The following KAZN variants were observed in gnomAD, a reference collection of about 807,000 sequenced individuals.
KAZN encodes kazrin, periplakin interacting protein, also known as kazrin.
Under a neutral mutation model 87.4 loss-of-function variants are expected in KAZN, and 40 were observed. That is an observed-to-expected ratio of 0.46 (90% CI 0.36 to 0.60). KAZN has a LOEUF of 0.60. Ranked by LOEUF, KAZN falls within the 20% of genes least tolerant of loss-of-function variation. The pLI, the probability that KAZN is intolerant of heterozygous loss-of-function variation, is 0.00. For missense variants in KAZN, 898 were observed against 1,073.9 expected, an observed-to-expected ratio of 0.84 and a Z score of 2.29; for synonymous variants, 466 against 458.3, an observed-to-expected ratio of 1.02 and a Z score of -0.22.
intron 1 of KAZN, among the ~76,000 whole-genome samples, chr1:14,698,158 A>C (rs544575374): frequency 8.1e-4 from 124 of 152,300 alleles, no homozygotes; most frequent in African/African-American, 2.9e-3. Context: ...TTCCATCTGC[A>C]AAATTAGTGA....
rs146886647 is a variant in KAZN, at chr1:14,539,392, T to C, written c.250-59591T>C. 2.1e-3 allele frequency among the ~76,000 whole-genome samples: 313 copies of C among 152,302 alleles called. 1 individual carries two copies. The highest frequency in any genetic ancestry group is 7.4e-3 in the African/African-American group (306 of 41,562). Reference sequence around the variant, plus strand: ...ATAAGGACATTTTTGGAAGAACTGATGAAATCTAAATAAAGTCAGTAGACT... The same window carrying C: ...ATAAGGACATTTTTGGAAGAACTGACGAAATCTAAATAAAGTCAGTAGACT... On this transcript the variant is annotated intron_variant, in intron 2 of 16. Transcript: ENST00000636203.
intron 1 of KAZN, among the ~76,000 whole-genome samples, chr1:14,058,483 A>G (rs530915102): frequency 9.8e-5 from 15 of 152,306 alleles, no homozygotes; most frequent in African/African-American, 3.6e-4. Flanking sequence ...ATATCTCCAC[A>G]TGACACCAAG....
At chr1:14,422,711 C>T (rs1290532819) in intron 2 of KAZN, among the ~76,000 whole-genome samples, 1 of 152,202 alleles carries the variant, frequency 6.6e-6, no homozygotes, top group African/African-American at 2.4e-5. Flanking sequence ...AAAGGCTCAT[C>T]CCTGGTAAAC....
At chr1:14,161,569 G>T (rs568226858) in intron 1 of KAZN, among the ~76,000 whole-genome samples, 43 of 152,326 alleles carry the variant, frequency 2.8e-4, no homozygotes, top group Non-Finnish European at 4.9e-4. Context: ...GAGCCACAGG[G>T]TCTTTTATGG....
intron 1 of KAZN, among the ~76,000 whole-genome samples, chr1:14,129,372 C>G (rs1283833265): frequency 6.6e-6 from 1 of 152,168 alleles, no homozygotes; most frequent in Non-Finnish European, 1.5e-5. Context: ...AAAGTCTAGC[C>G]CAAATATGTC....
intron 1 of KAZN, among the ~76,000 whole-genome samples, chr1:14,159,821 G>C (rs114970533): frequency 6.6e-6 from 1 of 152,152 alleles, no homozygotes; most frequent in Non-Finnish European, 1.5e-5. Flanking sequence ...ATCCTTCCAG[G>C]ACTCCTTCCA....
intron 1 of KAZN, among the ~76,000 whole-genome samples, chr1:14,747,064 C>A (rs1644280619): frequency 1.3e-5 from 2 of 152,074 alleles, no homozygotes; most frequent in African/African-American, 4.8e-5. Context: ...ATTCTAAGTA[C>A]CCCGTATAAG....
In KAZN at chr1:15,063,577, C is replaced by T. The variant is rs1638977606; in HGVS notation, c.1053C>T (p.Asp351=). The change falls in exon 7 of 15, where the codon GAC becomes GAT. Residue 351 remains aspartate (D), a synonymous_variant. Coordinates refer to ENST00000376030, the MANE Select transcript of KAZN (RefSeq NM_201628.3). ...RHRTHSLCNG[D]SPGPVQKNLH... The stretch of plus-strand genomic sequence containing the variant: ...CTCTTCTCCTCTGGCTACAGGGCGA[C>T]AGTCCCGGCCCAGTTCAGAAGAACC... The T allele has an allele frequency of 6.2e-7, 1 of 1,613,962 alleles. No homozygotes were observed. Among genetic ancestry groups the T allele is most frequent in the Non-Finnish European group, 8.5e-7 (1 of 1,179,818 alleles).
intron 2 of KAZN, among the ~76,000 whole-genome samples, chr1:14,468,180 G>C (rs1668266472): frequency 6.6e-6 from 1 of 152,320 alleles, no homozygotes; most frequent in Admixed American, 6.5e-5. Flanking sequence ...AAAAATCTAT[G>C]AGGTGTTCAA....
intron 2 of KAZN, among the ~76,000 whole-genome samples, chr1:14,476,676 T>C (rs1250471822): frequency 3.3e-5 from 5 of 152,220 alleles, no homozygotes; most frequent in Non-Finnish European, 5.9e-5. Context: ...TAAAAGCTCC[T>C]TAAGATTGTC....
intron 2 of KAZN, among the ~76,000 whole-genome samples, chr1:14,254,700 T>C (rs979317776): frequency 6.6e-6 from 1 of 151,812 alleles, no homozygotes; most frequent in Non-Finnish European, 1.5e-5. Context: ...TACCTGAGAC[T>C]GGGTAATTTA....
chr1:15,114,746 C>A lies in KAZN; in HGVS notation c.*111C>A. 1 of 1,146,278 alleles carries A rather than the reference C, an allele frequency of 8.7e-7. No individual in the cohort carries two copies. The highest frequency in any genetic ancestry group is 1.2e-6 in the Non-Finnish European group (1 of 824,628). 71.0% of individuals were successfully genotyped at this position (1,146,278 alleles called of 1,614,324 possible). On this transcript the variant is annotated 3_prime_UTR_variant, in exon 15 of 15. Coordinates refer to ENST00000376030, the MANE Select transcript of KAZN (RefSeq NM_201628.3). ...ATAGCGGCCGCAGGCTGAGGATGTC[C>A]CTTGCTCCTGGGCAAAATCCCGATG...
intron 4 of KAZN, among the ~76,000 whole-genome samples, chr1:15,050,078 G>GAGTAC (rs1213564525): frequency 7.0e-6 from 1 of 141,904 alleles, no homozygotes; most frequent in Non-Finnish European, 1.5e-5. Flanking sequence ...GAGTAGAGTA[G>GAGTAC]AGTACAGTAG....
At chr1:14,665,266 C>T (rs1424906295) in intron 1 of KAZN, among the ~76,000 whole-genome samples, 2 of 151,582 alleles carry the variant, frequency 1.3e-5, no homozygotes, top group East Asian at 3.9e-4. Context: ...TTCTAGCAAT[C>T]TTTAAATATG....
At chr1:14,106,660 A>T (rs919438183) in intron 1 of KAZN, among the ~76,000 whole-genome samples, 1 of 152,174 alleles carries the variant, frequency 6.6e-6, no homozygotes, top group African/African-American at 2.4e-5. Flanking sequence ...CTGAGGTTGG[A>T]TGAGTGATGA....
At chr1:14,701,232 C>T (rs1641903465) in intron 1 of KAZN, among the ~76,000 whole-genome samples, 1 of 152,194 alleles carries the variant, frequency 6.6e-6, no homozygotes, top group African/African-American at 2.4e-5. Flanking sequence ...GTGATCCTCC[C>T]ACCTCAGCCT....
intron 1 of KAZN, among the ~76,000 whole-genome samples, chr1:14,829,191 A>C (rs1020855738): frequency 6.6e-6 from 1 of 152,226 alleles, no homozygotes; most frequent in Non-Finnish European, 1.5e-5. Context: ...ACCATGCCCC[A>C]AGTCCCTTTG....
chr1:13,961,941 G>T (rs1028323399), intron 1 of KAZN, among the ~76,000 whole-genome samples: 1 of 152,176 alleles, frequency 6.6e-6, no homozygotes, highest in African/African-American at 2.4e-5. Context: ...CACCCTCAGG[G>T]CCTTTGCACC....
intron 1 of KAZN, among the ~76,000 whole-genome samples, chr1:13,925,100 CG>C (rs1640223703): frequency 6.6e-6 from 1 of 152,172 alleles, no homozygotes; most frequent in Non-Finnish European, 1.5e-5. Context: ...CCTTCCACCC[CG>C]GGCGACCACT....
Sources: gnomAD v4.1 joint callset for allele counts (sites outside exome capture counted in the v4.1 genomes callset) on GRCh38, gnomAD v4.1.1 for gene constraint, MANE v1.5 for transcripts, NCBI Gene and HGNC (gene_info 2026-07-23, HGNC 2026-07-21) for gene names.